SLC13A1: variants seen among roughly 807,000 people sequenced by gnomAD.
SLC13A1 encodes the protein Na(+)/sulfate cotransporter.
A neutral mutation model predicts 70.0 loss-of-function variants in SLC13A1; 65 were observed. That is an observed-to-expected ratio of 0.93 (90% CI 0.76 to 1.14). The LOEUF (loss-of-function observed/expected upper bound fraction) is 1.14, where lower values mean the gene tolerates loss of function less well. SLC13A1 is among the 50% of genes most tolerant of loss of function. The pLI is 0.00. For missense variants in SLC13A1, 726 were observed against 717.8 expected (o/e 1.01, Z -0.13); for synonymous variants, 275 against 250.5 (o/e 1.10, Z -0.92).
chr7:123,125,600 T>G lies in SLC13A1; in HGVS notation c.1209A>C (p.Thr403=), dbSNP rs1432678548. The G allele has an allele frequency of 1.9e-6, 3 of 1,612,620 alleles. No individual in the cohort carries two copies. Among genetic ancestry groups the G allele is most frequent in the Non-Finnish European group, 2.5e-6 (3 of 1,179,276 alleles). ...GLLFFLIPAK[T]LTKTTPTGEI... ...CTCCTGTAGGTGTAGTTTTAGTCAG[T>G]GTCTTAGCTGGGATAAGAAAGAATA... The change falls in exon 11 of 15, where the codon ACA becomes ACC. Residue 403 remains threonine, a synonymous_variant. Coordinates refer to ENST00000194130, the MANE Select transcript of SLC13A1 (RefSeq NM_022444.4).
chr7:123,166,646 T>G (rs926581242), intron 6 of SLC13A1, among the ~76,000 whole-genome samples: 5 of 152,154 alleles, frequency 3.3e-5, no homozygotes, highest in African/African-American at 9.7e-5. Flanking sequence ...CATGTGGTGT[T>G]TGGTTTTTTG....
chr7:123,161,180 A>T (rs1794882257), intron 6 of SLC13A1, among the ~76,000 whole-genome samples: 1 of 151,446 alleles, frequency 6.6e-6, no homozygotes, highest in African/African-American at 2.4e-5. Context: ...TTGAAAAATA[A>T]TCTTTAAAAT....
intron 1 of SLC13A1, among the ~76,000 whole-genome samples, chr7:123,187,977 T>C (rs187527093): frequency 2.0e-5 from 3 of 152,308 alleles, no homozygotes; most frequent in Non-Finnish European, 4.4e-5. Context: ...AAGGAGTCCA[T>C]TGGAACTTTA....
At position 123,137,281 on chromosome 7, in the gene SLC13A1, C is replaced by T. The variant is rs149479111; in HGVS notation, c.813-2752G>A. Among the ~76,000 whole-genome samples the T allele has an allele frequency of 8.3e-3, 1,261 of 152,182 alleles. 11 individuals carry two copies. The highest frequency in any genetic ancestry group is 0.014 in the Middle Eastern group (4 of 294). On this transcript the variant is annotated intron_variant, in intron 7 of 14. Transcript: ENST00000194130. Reference sequence around the variant, plus strand: ...CTGGTGTACATGCCTTGTACGATCTCCTCTTCTGTGTGGATGGAATCTGTG... The same window carrying T: ...CTGGTGTACATGCCTTGTACGATCTTCTCTTCTGTGTGGATGGAATCTGTG...
intron 6 of SLC13A1, among the ~76,000 whole-genome samples, chr7:123,162,969 A>G (rs1448364692): frequency 6.6e-6 from 1 of 152,144 alleles, no homozygotes. Context: ...CATTAAAAGT[A>G]TACTGATTTT....
Position 123,115,601 on chromosome 7 carries a change from T to C in SLC13A1, c.1705A>G (p.Ile569Val). The change falls in exon 15 of 15, where the codon ATA (isoleucine) becomes GTA (valine). Residue 569 changes from isoleucine to valine, a missense_variant. Physicochemically the swap from Ile to Val is conservative, Grantham distance 29. Transcript: ENST00000194130. ...IVGVAVVMLG[I>V]CTWIVPMFDL... ...AACATGGGTACAATCCAAGTACATA[T>C]GCCAAGCATAACCACAGCAACACCA... 6.2e-7 allele frequency: 1 copy of C among 1,613,930 alleles called. No homozygotes were observed. The highest frequency in any genetic ancestry group is 1.1e-5 in the South Asian group (1 of 91,084).
chr7:123,133,312 A>C (rs937317938), intron 8 of SLC13A1, among the ~76,000 whole-genome samples: 3 of 151,964 alleles, frequency 2.0e-5, no homozygotes, highest in African/African-American at 7.3e-5. Flanking sequence ...ATTGAAAGGG[A>C]TGTCAATTTT....
At chr7:123,171,592 C>A (rs1460416079) in intron 3 of SLC13A1, among the ~76,000 whole-genome samples, 176 bp downstream of exon 3, 2 of 151,510 alleles carry the variant, frequency 1.3e-5, no homozygotes, top group Non-Finnish European at 2.9e-5. Flanking sequence ...GTTTTTTTTT[C>A]CTCCTACAAC....
At chr7:123,196,089 A>G (rs1340067846) in intron 1 of SLC13A1, among the ~76,000 whole-genome samples, 1 of 152,120 alleles carries the variant, frequency 6.6e-6, no homozygotes, top group African/African-American at 2.4e-5. Context: ...AAAGTTGCAC[A>G]TAGAATATTA....
chr7:123,131,168 G>T (rs1398059352), intron 8 of SLC13A1, among the ~76,000 whole-genome samples: 1 of 152,102 alleles, frequency 6.6e-6, no homozygotes, highest in Non-Finnish European at 1.5e-5. Flanking sequence ...ATGAGTGAAT[G>T]GACAGTGCTA....
At chr7:123,159,411 A>G (rs1179197163) in intron 6 of SLC13A1, among the ~76,000 whole-genome samples, 1 of 152,210 alleles carries the variant, frequency 6.6e-6, no homozygotes, top group Non-Finnish European at 1.5e-5. Context: ...ATGTGCACAG[A>G]GAAAACATCA....
intron 13 of SLC13A1, 85 bp downstream of exon 13, chr7:123,118,996 T>A: frequency 7.9e-7 from 1 of 1,268,438 alleles, no homozygotes; most frequent in Non-Finnish European, 1.1e-6. Flanking sequence ...CAAAAGAGAT[T>A]CCATACCACA....
chr7:123,179,801 G>A (rs1173653237), intron 2 of SLC13A1, among the ~76,000 whole-genome samples: 4 of 138,202 alleles, frequency 2.9e-5, no homozygotes, highest in Non-Finnish European at 6.4e-5. Flanking sequence ...AACAGACAAA[G>A]GTATAACTGT....
intron 2 of SLC13A1, among the ~76,000 whole-genome samples, chr7:123,173,089 G>A (rs1795327257): frequency 6.6e-6 from 1 of 152,054 alleles, no homozygotes; most frequent in Non-Finnish European, 1.5e-5. Flanking sequence ...GATTATAAGA[G>A]TAAATGCCCC....
At chr7:123,141,691 C>G (rs906987597) in intron 7 of SLC13A1, among the ~76,000 whole-genome samples, 7 of 152,032 alleles carry the variant, frequency 4.6e-5, no homozygotes, top group African/African-American at 1.7e-4. Context: ...CCTTCTTTGT[C>G]TCTTCTTATA....
chr7:123,120,628 C>T (rs1164433950), intron 12 of SLC13A1, among the ~76,000 whole-genome samples: 1 of 152,004 alleles, frequency 6.6e-6, no homozygotes, highest in Non-Finnish European at 1.5e-5. Flanking sequence ...ACTCTAATTA[C>T]AAGCAGTATA....
rs28364204 is a variant in SLC13A1, at chr7:123,128,832, G to T, written c.1133+13C>A. On this transcript the variant is annotated intron_variant, in intron 10 of 14. Transcript: ENST00000194130. Reference sequence around the variant, plus strand: ...AACAGGAAGGGCTGACAAACATAACGTGCAAAGCTTACTCTGAAAAAAGTG... The same window carrying T: ...AACAGGAAGGGCTGACAAACATAACTTGCAAAGCTTACTCTGAAAAAAGTG... 2 of 1,577,034 alleles carry T rather than the reference G, an allele frequency of 1.3e-6. No homozygotes were observed. Among genetic ancestry groups the T allele is most frequent in the Non-Finnish European group, 1.7e-6 (2 of 1,147,324 alleles).
At chr7:123,193,863 C>T (rs1340194360) in intron 1 of SLC13A1, among the ~76,000 whole-genome samples, 1 of 152,200 alleles carries the variant, frequency 6.6e-6, no homozygotes, top group East Asian at 1.9e-4. Context: ...AAGGGACAGC[C>T]TCTGGTTACA....
chr7:123,118,456 C>G (rs1165572326), intron 13 of SLC13A1, among the ~76,000 whole-genome samples: 1 of 152,108 alleles, frequency 6.6e-6, no homozygotes, highest in Non-Finnish European at 1.5e-5. Context: ...TTTCCTTTCA[C>G]CAAACCAGTC....
Sources: gnomAD v4.1 joint callset for allele counts (sites outside exome capture counted in the v4.1 genomes callset) on GRCh38, gnomAD v4.1.1 for gene constraint, MANE v1.5 for transcripts, NCBI Gene and HGNC (gene_info 2026-07-23, HGNC 2026-07-21) for gene names.